Variants in GREB1 observed in about 807,000 individuals in gnomAD.
The protein encoded by GREB1 is protein GREB1.
Under a neutral mutation model 200.7 loss-of-function variants are expected in GREB1, and 106 were observed. The observed-to-expected ratio is 0.53, with a 90% CI of 0.45 to 0.62. The LOEUF (loss-of-function observed/expected upper bound fraction) is 0.62. Ranked by LOEUF, GREB1 falls within the 20% of genes least tolerant of loss-of-function variation. The pLI is 0.00. For missense variants in GREB1, 2,243 were observed against 2,556.8 expected, an observed-to-expected ratio of 0.88 and a Z score of 2.65; for synonymous variants, 1,132 against 1,092.4, an observed-to-expected ratio of 1.04 and a Z score of -0.72.
intron 1 of GREB1, among the ~76,000 whole-genome samples, chr2:11,535,752 G>A (rs566291001): frequency 6.2e-4 from 95 of 152,212 alleles, no homozygotes; most frequent in Middle Eastern, 6.8e-3. Flanking sequence ...GGGTTTTCAC[G>A]AGTATAGAAA....
chr2:11,586,019 C>A, intron 9 of GREB1, 114 bp downstream of exon 9: 1 of 1,113,014 alleles, frequency 9.0e-7, no homozygotes, highest in Non-Finnish European at 1.3e-6. Context: ...CCTCCTGAGA[C>A]AAACCTAAAA....
chr2:11,638,420 A>G (rs530647424), intron 31 of GREB1, among the ~76,000 whole-genome samples: 3 of 152,276 alleles, frequency 2.0e-5, no homozygotes, highest in East Asian at 3.9e-4. Context: ...GGATTACAAG[A>G]GTGAGCCACC....
At chr2:11,502,515 T>G (rs1467097077) in intron 1 of GREB1, among the ~76,000 whole-genome samples, 1 of 151,944 alleles carries the variant, frequency 6.6e-6, no homozygotes, top group African/African-American at 2.4e-5. Context: ...AGCCACTGTG[T>G]CTGGCCGGAT....
chr2:11,569,842 G>T (rs1301635313), intron 4 of GREB1, among the ~76,000 whole-genome samples: 1 of 152,176 alleles, frequency 6.6e-6, no homozygotes, highest in Non-Finnish European at 1.5e-5. Context: ...GAGGTGGCGA[G>T]AGTGCTCTGT....
intron 1 of GREB1, among the ~76,000 whole-genome samples, chr2:11,502,550 T>A (rs566720790): frequency 6.6e-6 from 1 of 152,096 alleles, no homozygotes; most frequent in East Asian, 1.9e-4. Flanking sequence ...ACAGAACTAG[T>A]GCAATTTGGG....
rs199651203 is a variant in GREB1, at chr2:11,592,345, TTA to T, written c.1346-430_1346-429del. Reference sequence around the variant, plus strand: ...CAAAGTAAGATTTTTTTTTTTTTTTTTAAAAAGAGGACAGAAAAATTGAACTG... The same window carrying T: ...CAAAGTAAGATTTTTTTTTTTTTTTTAAAAGAGGACAGAAAAATTGAACTG... On this transcript the variant is annotated intron_variant, in intron 10 of 32. Coordinates refer to ENST00000381486, the MANE Select transcript of GREB1 (RefSeq NM_014668.4). Among the ~76,000 whole-genome samples, 745 of 148,288 alleles carry T rather than the reference TTA, an allele frequency of 5.0e-3. 6 individuals are homozygous for T. Among genetic ancestry groups the T allele is most frequent in the African/African-American group, 0.019 (710 of 38,052 alleles).
intron 6 of GREB1, among the ~76,000 whole-genome samples, chr2:11,579,047 C>G (rs779116589): frequency 6.6e-6 from 1 of 152,222 alleles, no homozygotes; most frequent in African/African-American, 2.4e-5. Flanking sequence ...ATTGTTATCA[C>G]GGTGGACACC....
chr2:11,521,615 A>G (rs951695528), intron 1 of GREB1, among the ~76,000 whole-genome samples: 10 of 152,090 alleles, frequency 6.6e-5, no homozygotes, highest in African/African-American at 2.4e-4. Flanking sequence ...GTGCTCCTTA[A>G]CCCCAGTGAG....
intron 1 of GREB1, among the ~76,000 whole-genome samples, chr2:11,516,125 G>T (rs892662584): frequency 6.6e-6 from 1 of 152,160 alleles, no homozygotes. Context: ...TCTCACACCC[G>T]ATCTTTAGAC....
intron 4 of GREB1, among the ~76,000 whole-genome samples, chr2:11,575,597 T>G (rs1678766768): frequency 6.6e-6 from 1 of 152,158 alleles, no homozygotes; most frequent in Non-Finnish European, 1.5e-5. Flanking sequence ...AGTGTCTCCA[T>G]CCACTGGCTG....
At chr2:11,588,227 C>CAA (rs796838611) in intron 9 of GREB1, 358 of 748,134 alleles carry the variant, frequency 4.8e-4, no homozygotes, top group East Asian at 7.7e-4. Flanking sequence ...GACACTGTCT[C>CAA]AAAAAAAAAA....
chr2:11,603,593 G>A (rs1362823871), intron 17 of GREB1, among the ~76,000 whole-genome samples: 4 of 152,200 alleles, frequency 2.6e-5, no homozygotes, highest in South Asian at 2.1e-4. Context: ...GAATTTCCCA[G>A]AACACTCTTG....
intron 1 of GREB1, among the ~76,000 whole-genome samples, chr2:11,483,690 GTGTGT>G (rs1558476337): frequency 0.13 from 269 of 2,132 alleles, 4 homozygotes; most frequent in African/African-American, 0.2. Context: ...AAGAAGGGGT[GTGTGT>G]GTGTGTGTGT....
intron 17 of GREB1, among the ~76,000 whole-genome samples, chr2:11,606,248 T>A (rs1682277890): frequency 6.6e-6 from 1 of 152,238 alleles, no homozygotes; most frequent in Non-Finnish European, 1.5e-5. Context: ...AGTGGACCCT[T>A]GAAGTTCAAA....
intron 4 of GREB1, among the ~76,000 whole-genome samples, chr2:11,575,648 T>G (rs1438467711): frequency 6.6e-6 from 1 of 152,190 alleles, no homozygotes; most frequent in African/African-American, 2.4e-5. Flanking sequence ...TGGCCAGATA[T>G]TGTGAAGCGC....
In GREB1 at chr2:11,597,877, A is replaced by G. The variant is rs756165681; in HGVS notation, c.2051A>G (p.Gln684Arg). ...HVCSIADSSTQNLDLGSFEKV... is the reference protein window; with the variant it reads ...HVCSIADSSTRNLDLGSFEKV... ...TGTTCCATTGCGGATTCCAGCACCC[A>G]AAATCTGGACCTGGGATCCTTTGAG... Residue 684 changes from glutamine (Q) to arginine (R), a missense_variant, in exon 14 of 33, where the codon CAA becomes CGA. By Grantham distance (43) the Gln-to-Arg change is conservative. This residue lies in a region of GREB1 where 1,178 missense variants were observed against 1,387.4 expected (regional missense o/e 0.85). Transcript: ENST00000381486. This position sits in a 1 kb window ranked among gnomAD's most constrained non-coding sequence, Gnocchi z 4.1. The G allele has an allele frequency of 5.0e-6, 8 of 1,614,048 alleles. No individual in the cohort carries two copies. The East Asian group carries it at 1.8e-4, about 36-fold the overall frequency.
chr2:11,494,008 G>A (rs761589355), intron 1 of GREB1, among the ~76,000 whole-genome samples: 9 of 152,222 alleles, frequency 5.9e-5, no homozygotes, highest in Non-Finnish European at 1.3e-4. Context: ...CCGAGTCCAG[G>A]TACCTTACAC....
rs1472202857 is a variant in GREB1 at position 11,630,168 on chromosome 2, G to A, written c.4611+59G>A. The A allele has an allele frequency of 9.8e-6, 15 of 1,532,368 alleles. 1 individual carries two copies. Among genetic ancestry groups the A allele is most frequent in the South Asian group, 3.5e-5 (3 of 85,724 alleles). 94.9% of individuals were successfully genotyped at this position (1,532,368 alleles called of 1,614,324 possible). ...AGTGGCTTCAACTGGGGACTGAGCC[G>A]GGGACTAGAGACAGAGCTTCCTGTG... is the stretch of plus-strand genomic sequence containing the variant. On this transcript the variant is annotated intron_variant, in intron 26 of 32. Transcript: ENST00000381486.
chr2:11,585,777 C>T lies in GREB1; in HGVS notation c.1031C>T (p.Ser344Phe), dbSNP rs201149740. Residue 344 changes from serine (S) to phenylalanine (F), a missense_variant, in exon 9 of 33, where the codon TCC becomes TTC. This residue lies in a region of GREB1 where 1,178 missense variants were observed against 1,387.4 expected (regional missense o/e 0.85). Transcript: ENST00000381486. ...NRAKYESAGM[S>F]CVPQVGLVGP... The stretch of plus-strand genomic sequence containing the variant: ...GTGTTCCTAGAGAGCGCAGGCATGT[C>T]CTGCGTGCCGCAGGTTGGCTTGGTG... 11 of 1,613,252 alleles carry T rather than the reference C, an allele frequency of 6.8e-6. No individual in the cohort carries two copies. The Middle Eastern group carries it at 9.5e-4, about 140-fold the overall frequency.
Sources: gnomAD v4.1 joint callset for allele counts (sites outside exome capture counted in the v4.1 genomes callset) on GRCh38, gnomAD v4.1.1 for gene constraint, gnomAD v4.1.1 regional missense constraint, Gnocchi (gnomAD v3.1) non-coding constraint, MANE v1.5 for transcripts, NCBI Gene and HGNC (gene_info 2026-07-23, HGNC 2026-07-21) for gene names.